Variants in ZNF281 observed in about 807,000 individuals in gnomAD.
The protein encoded by ZNF281 is GC-box-binding zinc finger protein 1.
Under a neutral mutation model 58.8 loss-of-function variants are expected in ZNF281, and 2 were observed. The ratio of observed to expected loss-of-function variants is 0.03; its 90% CI spans 0.01 to 0.11. The LOEUF is 0.11. ZNF281 is among the 10% of genes least tolerant of loss of function. ZNF281 has a pLI of 1.00. For missense variants in ZNF281, 975 were observed against 1,090.7 expected (o/e 0.89, Z 1.49); for synonymous variants, 465 against 407.7 (o/e 1.14, Z -1.69).
rs1654493217 is a variant in ZNF281 at position 200,407,764 on chromosome 1, C to A, written c.1942G>T (p.Glu648Ter). 1 of 1,613,990 alleles carries A rather than the reference C, an allele frequency of 6.2e-7. No homozygotes were observed. The highest frequency in any genetic ancestry group is 1.3e-5 in the African/African-American group (1 of 74,924). ...GTTTGGGTGCCTGGGCTCAAATTTT[C>A]TTCTTGAACCAATTCTGAGTGTTCT... is the stretch of plus-strand genomic sequence containing the variant. ...SGEHSELVQE[E>*]NLSPGTQTPS... Residue 648 changes from glutamate (E) to a stop codon, truncating the protein, a stop_gained, in exon 2 of 2, where the codon GAA becomes TAA. Transcript: ENST00000367353. LOFTEE classifies it high-confidence loss of function.
At position 200,405,510 on chromosome 1, in the gene ZNF281, A is replaced by C. The variant is rs1159158078; in HGVS notation, c.*1508T>G. On this transcript the variant is annotated 3_prime_UTR_variant, in exon 2 of 2. Coordinates refer to ENST00000367353, the MANE Select transcript of ZNF281 (RefSeq NM_001281293.2). ...AAGACTGAAACATCACCAAAAGTAC[A>C]TAAAAAACTCATCAGCATAAACATC... is the stretch of plus-strand genomic sequence containing the variant. 6.6e-6 allele frequency: 1 copy of C among 152,230 alleles called. No individual in the cohort carries two copies. Among genetic ancestry groups the C allele is most frequent in the African/African-American group, 2.4e-5 (1 of 41,458 alleles). 9.4% of individuals were successfully genotyped at this position (152,230 alleles called of 1,614,324 possible). A position where few individuals can be genotyped will look rare whatever the true frequency, so the allele number is the denominator to read the frequency against.
Position 200,409,663 on chromosome 1 carries a change from C to G in ZNF281, c.43G>C (p.Gly15Arg). Residue 15 changes from glycine to arginine, a missense_variant, in exon 2 of 2, where the codon GGC (glycine) becomes CGC (arginine). By Grantham distance (125) the Gly-to-Arg change is moderately radical (BLOSUM62 -2). Around this residue, in one of 3 missense-constraint regions of ZNF281, gnomAD observed 370 missense variants for 360.9 expected, o/e 1.03. Transcript: ENST00000367353. ...CCGGAGCCGCTACCACCGCTACTGC[C>G]GGTACCTCCGCCGCCACTCAGGAAC... is the stretch of plus-strand genomic sequence containing the variant. ...SGFLSGGGGT[G>R]SSGGSGSGGG... is the part of the protein sequence containing the mutation. 1.3e-6 allele frequency: 2 copies of G among 1,562,914 alleles called. No individual in the cohort carries two copies. The highest frequency in any genetic ancestry group is 1.7e-6 in the Non-Finnish European group (2 of 1,155,966).
rs1654490652 is a variant in ZNF281 at position 200,407,668 on chromosome 1, T to C, written c.2038A>G (p.Thr680Ala). Residue 680 changes from threonine (T) to alanine (A), a missense_variant, in exon 2 of 2, where the codon ACT (threonine) becomes GCT (alanine). Around this residue, in one of 3 missense-constraint regions of ZNF281, gnomAD observed 579 missense variants for 608.9 expected, o/e 0.95. Transcript: ENST00000367353. ...TGTCCAAGAGTAAAACTTGCATTAGTGGATTTTTCAAAAGCCTGTTGGAGG... is the reference window on the plus strand; with the variant it reads ...TGTCCAAGAGTAAAACTTGCATTAGCGGATTTTTCAAAAGCCTGTTGGAGG... ...KYLQQAFEKS[T>A]NASFTLGHGF... 1.9e-6 allele frequency: 3 copies of C among 1,614,192 alleles called. No homozygotes were observed. The highest frequency in any genetic ancestry group is 2.7e-5 in the African/African-American group (2 of 75,058).
chr1:200,407,604 T>G lies in ZNF281; in HGVS notation c.2102A>C (p.Asn701Thr). ...TTGTTTTTCTGGAAACAAAGTGTGG[T>G]TGTGGAGAGGTGAAGACAAACTGAC... ...QFVSLSSPLHNHTLFPEKQIY... is the reference protein window; with the variant it reads ...QFVSLSSPLHTHTLFPEKQIY... Residue 701 changes from asparagine to threonine, a missense_variant, in exon 2 of 2, where the codon AAC becomes ACC. Coordinates refer to ENST00000367353, the MANE Select transcript of ZNF281 (RefSeq NM_001281293.2). The G allele has an allele frequency of 6.2e-7, 1 of 1,614,122 alleles. No homozygotes were observed. Among genetic ancestry groups the G allele is most frequent in the Non-Finnish European group, 8.5e-7 (1 of 1,180,018 alleles).
In ZNF281 at chr1:200,407,697, T is replaced by C. The variant is rs1277991384; in HGVS notation, c.2009A>G (p.Lys670Arg). The change falls in exon 2 of 2, where the codon AAA becomes AGA. Residue 670 changes from lysine (K) to arginine (R), a missense_variant. By Grantham distance (26) the Lys-to-Arg change is conservative. Coordinates refer to ENST00000367353, the MANE Select transcript of ZNF281 (RefSeq NM_001281293.2). The part of the protein sequence containing the change: ...DKASMLQEYS[K>R]YLQQAFEKST... The stretch of plus-strand genomic sequence containing the variant: ...TTTTTCAAAAGCCTGTTGGAGGTAT[T>C]TGGAGTATTCTTGCAACATACTTGC... The C allele has an allele frequency of 1.2e-6, 2 of 1,614,096 alleles. No homozygotes were observed. Among genetic ancestry groups the C allele is most frequent in the African/African-American group, 1.3e-5 (1 of 74,934 alleles).
chr1:200,409,665 G>T lies in ZNF281; in HGVS notation c.41C>A (p.Thr14Asn). ...GSGFLSGGGGTGSSGGSGSGG... is the reference protein window; with the variant it reads ...GSGFLSGGGGNGSSGGSGSGG... ...GGAGCCGCTACCACCGCTACTGCCGGTACCTCCGCCGCCACTCAGGAACCC... is the reference window on the plus strand; with the variant it reads ...GGAGCCGCTACCACCGCTACTGCCGTTACCTCCGCCGCCACTCAGGAACCC... Residue 14 changes from threonine to asparagine, a missense_variant, in exon 2 of 2, where the codon ACC becomes AAC. Physicochemically the swap from Thr to Asn is moderately conservative, Grantham distance 65. Coordinates refer to ENST00000367353, the MANE Select transcript of ZNF281 (RefSeq NM_001281293.2). The T allele has an allele frequency of 6.4e-7, 1 of 1,562,230 alleles. No individual in the cohort carries two copies. The highest frequency in any genetic ancestry group is 8.7e-7 in the Non-Finnish European group (1 of 1,156,024).
At position 200,407,263 on chromosome 1, in the gene ZNF281, C is replaced by T. The variant is rs758289453; in HGVS notation, c.2443G>A (p.Asp815Asn). ...CTAGGCTCTATGTCTTTCTGAGGAT[C>T]TATCTGGCTAGCTAACTCCTGAGAT... ...IPSQELASQI[D>N]PQKDIEPRTT... The change falls in exon 2 of 2, where the codon GAT becomes AAT. Residue 815 changes from aspartate to asparagine, a missense_variant. Transcript: ENST00000367353. 9.3e-6 allele frequency: 15 copies of T among 1,614,206 alleles called. 1 individual carries two copies. In the South Asian group the frequency reaches 1.6e-4, roughly 18 times the overall value.
At position 200,405,757 on chromosome 1, in the gene ZNF281, G is replaced by C. The variant is rs1383083871; in HGVS notation, c.*1261C>G. ...GGTTCTGATGTTATTACTATAAGCAGACACATTCTTATCCCTCACAGGAGT... is the reference window on the plus strand; with the variant it reads ...GGTTCTGATGTTATTACTATAAGCACACACATTCTTATCCCTCACAGGAGT... On this transcript the variant is annotated 3_prime_UTR_variant, in exon 2 of 2. Coordinates refer to ENST00000367353, the MANE Select transcript of ZNF281 (RefSeq NM_001281293.2). The C allele has an allele frequency of 1.3e-5, 2 of 152,052 alleles. No individual in the cohort carries two copies. The highest frequency in any genetic ancestry group is 2.9e-5 in the Non-Finnish European group (2 of 68,016). The allele number at this position is 152,052 out of a possible 1,614,324, so 9.4% of individuals were successfully genotyped here. A position where few individuals can be genotyped will look rare whatever the true frequency, so the allele number is the denominator to read the frequency against.
chr1:200,409,757 G>A, intron 1 of ZNF281, 34 bp from the exon 2 acceptor site: 1 of 1,568,210 alleles, frequency 6.4e-7, no homozygotes, highest in East Asian at 2.3e-5. Context: ...GAAGAGGGAG[G>A]AAAGGAGGTG....
At position 200,407,248 on chromosome 1, in the gene ZNF281, T is replaced by G. The variant is rs375360921; in HGVS notation, c.2458A>C (p.Ile820Leu). The G allele has an allele frequency of 3.7e-5, 59 of 1,614,128 alleles. No individual in the cohort carries two copies. The Admixed American group carries it at 7.0e-4, about 19-fold the overall frequency. ...LASQIDPQKD[I>L]EPRTTYQIEN... is the part of the protein sequence containing the mutation. ...ATCTGATACGTTGTTCTAGGCTCTA[T>G]GTCTTTCTGAGGATCTATCTGGCTA... Residue 820 changes from isoleucine to leucine, a missense_variant, in exon 2 of 2, where the codon ATA becomes CTA. Physicochemically the swap from Ile to Leu is conservative, Grantham distance 5 (BLOSUM62 2). Coordinates refer to ENST00000367353, the MANE Select transcript of ZNF281 (RefSeq NM_001281293.2).
Position 200,408,713 on chromosome 1 carries a change from A to G in ZNF281, c.993T>C (p.His331=). 1.2e-6 allele frequency: 2 copies of G among 1,614,120 alleles called. No individual in the cohort carries two copies. The highest frequency in any genetic ancestry group is 1.7e-6 in the Non-Finnish European group (2 of 1,180,030). The change falls in exon 2 of 2, where the codon CAT becomes CAC. Residue 331 remains histidine, a synonymous_variant. Transcript: ENST00000367353. ...QCSMKFIQKY[H]MERHKRTHSG... The stretch of plus-strand genomic sequence containing the variant: ...TATGTGTCCTCTTGTGTCTCTCCAT[A>G]TGGTACTTCTGAATAAACTTCATGC...
rs778555568 is a variant in ZNF281, at chr1:200,409,143, G to A, written c.563C>T (p.Pro188Leu). 5.6e-6 allele frequency: 9 copies of A among 1,614,034 alleles called. No individual in the cohort carries two copies. Among genetic ancestry groups the A allele is most frequent in the Non-Finnish European group, 6.8e-6 (8 of 1,180,040 alleles). ...SILHQHVQQQ[P>L]AQHHRDVLLS... ...TAATACGTCACGGTGGTGCTGGGCT[G>A]GTTGCTGCTGGACATGCTGGTGGAG... is the stretch of plus-strand genomic sequence containing the variant. The change falls in exon 2 of 2, where the codon CCA (proline) becomes CTA (leucine). Residue 188 changes from proline to leucine, a missense_variant. Physicochemically the swap from Pro to Leu is moderately conservative, Grantham distance 98. Transcript: ENST00000367353.
Position 200,409,723 on chromosome 1 carries a change from G to C in ZNF281, c.-18C>G. ...ATTTTCATACCCCGGAGGAGGCCTG[G>C]CTGAAGAAAGGAGGAGGAAGAGGGA... is the stretch of plus-strand genomic sequence containing the variant. On this transcript the variant is annotated splice_region_variant and 5_prime_UTR_variant, in exon 2 of 2. Transcript: ENST00000367353. 6.3e-7 allele frequency: 1 copy of C among 1,593,616 alleles called. No homozygotes were observed. The highest frequency in any genetic ancestry group is 8.5e-7 in the Non-Finnish European group (1 of 1,172,718).
At chr1:200,409,881 G>A in intron 1 of ZNF281, 65 bp downstream of exon 1, 1 of 954,348 alleles carries the variant, frequency 1.0e-6, no homozygotes, top group Non-Finnish European at 1.5e-6. Context: ...GCACCGGCAC[G>A]CATGGTCCTG....
rs1654424073 is a variant in ZNF281, at chr1:200,405,469, C to T, written c.*1549G>A. ...CAAACAACCAGTGGTACTTTTCTGACGTCAGAAGAGTACATAAGACTGAAA... is the reference window on the plus strand; with the variant it reads ...CAAACAACCAGTGGTACTTTTCTGATGTCAGAAGAGTACATAAGACTGAAA... On this transcript the variant is annotated 3_prime_UTR_variant, in exon 2 of 2. Coordinates refer to ENST00000367353, the MANE Select transcript of ZNF281 (RefSeq NM_001281293.2). 3 of 151,986 alleles carry T rather than the reference C, an allele frequency of 2.0e-5. No individual in the cohort carries two copies. Among genetic ancestry groups the T allele is most frequent in the African/African-American group, 7.3e-5 (3 of 41,340 alleles). 9.4% of individuals were successfully genotyped at this position (151,986 alleles called of 1,614,324 possible).
chr1:200,409,453 C>A lies in ZNF281; in HGVS notation c.253G>T (p.Ala85Ser), dbSNP rs1300311962. 3.3e-6 allele frequency: 5 copies of A among 1,532,830 alleles called. No homozygotes were observed. The South Asian group carries it at 4.8e-5, about 15-fold the overall frequency. 95.0% of individuals were successfully genotyped at this position (1,532,830 alleles called of 1,614,324 possible). Residue 85 changes from alanine to serine, a missense_variant, in exon 2 of 2, where the codon GCC (alanine) becomes TCC (serine). Transcript: ENST00000367353. The stretch of plus-strand genomic sequence containing the variant: ...GGAGGGGGGGGCTCAGCGGCCGGGG[C>A]TGCGGAGGTAGAGGAGGATAACACG... ...QCVLSSSTSA[A>S]PAAEPPPPPA...
In ZNF281 at chr1:200,408,575, A is replaced by G; in HGVS notation, c.1131T>C (p.Ser377=). The G allele has an allele frequency of 6.2e-7, 1 of 1,614,220 alleles. No individual in the cohort carries two copies. Among genetic ancestry groups the G allele is most frequent in the Non-Finnish European group, 8.5e-7 (1 of 1,180,040 alleles). ...TATGGTTTGATGACCCAGGTTCTGC[A>G]CTAGTGGCTCCTTTAACTATGACTT... is the stretch of plus-strand genomic sequence containing the variant. ...CGEVIVKGAT[S]AEPGSSNHTN... is the part of the protein sequence containing the mutation. The change falls in exon 2 of 2, where the codon AGT becomes AGC. Residue 377 remains serine (S), a synonymous_variant. Transcript: ENST00000367353.
At chr1:200,409,907 C>A in intron 1 of ZNF281, 39 bp downstream of exon 1, 1 of 781,984 alleles carries the variant, frequency 1.3e-6, no homozygotes, top group Non-Finnish European at 2.0e-6. Context: ...CTTCCCCAGG[C>A]CTCGCCCTCT....
In ZNF281 at chr1:200,405,021, A is replaced by G. The variant is rs532763865; in HGVS notation, c.*1997T>C. 1 of 152,800 alleles carries G rather than the reference A, an allele frequency of 6.5e-6. No homozygotes were observed. The highest frequency in any genetic ancestry group is 1.5e-5 in the Non-Finnish European group (1 of 68,038). The allele number at this position is 152,800 out of a possible 1,614,324, so 9.5% of individuals were successfully genotyped here. On this transcript the variant is annotated 3_prime_UTR_variant, in exon 2 of 2. Coordinates refer to ENST00000367353, the MANE Select transcript of ZNF281 (RefSeq NM_001281293.2). ...TCAGAATAATACATATGCAGTATTC[A>G]GTACACACAATAAAAGTTAAAGAAA...
Sources: gnomAD v4.1 joint callset for allele counts on GRCh38, gnomAD v4.1.1 for gene constraint, gnomAD v4.1.1 regional missense constraint, MANE v1.5 for transcripts, NCBI Gene and HGNC (gene_info 2026-07-23, HGNC 2026-07-21) for gene names.